Variants in CLRN1 observed in about 807,000 individuals in gnomAD.
CLRN1 encodes clarin 1, also known as clarin-1.
Under a neutral mutation model 18.7 loss-of-function variants are expected in CLRN1, and 15 were observed. The observed-to-expected ratio is 0.80, with a 90% CI of 0.54 to 1.23. The LOEUF (loss-of-function observed/expected upper bound fraction) is 1.23, where lower values mean the gene tolerates loss of function less well. Ranked by LOEUF, CLRN1 falls within the 50% of genes most tolerant of loss-of-function variation. CLRN1 has a pLI of 0.00. For synonymous variants in CLRN1, 104 were observed against 102.9 expected, an observed-to-expected ratio of 1.01 and a Z score of -0.07; for missense variants, 311 against 277.5, an observed-to-expected ratio of 1.12 and a Z score of -0.86.
intron 1 of CLRN1, among the ~76,000 whole-genome samples, chr3:150,954,962 C>G (rs1714666279): frequency 6.6e-6 from 1 of 152,190 alleles, no homozygotes; most frequent in South Asian, 2.1e-4. Context: ...CAAATGTTTA[C>G]TTTATTCATA....
chr3:150,942,597 A>T (rs771983563), intron 1 of CLRN1: 6 of 455,636 alleles, frequency 1.3e-5, no homozygotes. Flanking sequence ...AGAGCCATAA[A>T]ACAAGATGGA....
rs1712890126 is a variant in CLRN1 at position 150,927,726 on chromosome 3, A to G, written c.*210T>C. Reference sequence around the variant, plus strand: ...TGCCTTTGACTACCTGGGTCAAGCAATTTCCCACCAGATAAAACAACTTTT... The same window carrying G: ...TGCCTTTGACTACCTGGGTCAAGCAGTTTCCCACCAGATAAAACAACTTTT... On this transcript the variant is annotated 3_prime_UTR_variant, in exon 3 of 3. Transcript: ENST00000327047. 1.4e-6 allele frequency: 1 copy of G among 717,490 alleles called. No individual in the cohort carries two copies. The allele number at this position is 717,490 out of a possible 1,614,324, so 44.4% of individuals were successfully genotyped here. A position where few individuals can be genotyped will look rare whatever the true frequency, so the allele number is the denominator to read the frequency against.
chr3:150,926,464 C>A, downstream of CLRN1: 1 of 369,156 alleles, frequency 2.7e-6, no homozygotes, highest in Non-Finnish European at 5.2e-6. Context: ...CAGAACCGGG[C>A]TCTAGCCTGT....
In CLRN1 at chr3:150,940,476, A is replaced by G. The variant is rs140407590; in HGVS notation, c.433+1106T>C. Reference sequence around the variant, plus strand: ...AAGGGAGTAGTGTCAAGAGCAAGAAAGTACCTTGAGCCTGGTGCCTGGTAG... The same window carrying G: ...AAGGGAGTAGTGTCAAGAGCAAGAAGGTACCTTGAGCCTGGTGCCTGGTAG... On this transcript the variant is annotated intron_variant, in intron 2 of 2. Transcript: ENST00000327047. 292 of 1,534,898 alleles carry G rather than the reference A, an allele frequency of 1.9e-4. 1 individual carries two copies. In the East Asian group the frequency reaches 3.4e-3, roughly 18 times the overall value.
Position 150,941,726 on chromosome 3 carries a change from T to A in CLRN1, c.289A>T (p.Ile97Phe). Reference sequence around the variant, plus strand: ...GAGAAGAGAATGACATTGACGTGGATGCTCACTGGGATTGCTTTGAGCAAA... The same window carrying A: ...GAGAAGAGAATGACATTGACGTGGAAGCTCACTGGGATTGCTTTGAGCAAA... ...PDLLKAIPVS[I>F]HVNVILFSAI... is the part of the protein sequence containing the mutation. The change falls in exon 2 of 3, where the codon ATC becomes TTC. Residue 97 changes from isoleucine (I) to phenylalanine (F), a missense_variant. By Grantham distance (21) the Ile-to-Phe change is conservative. Transcript: ENST00000327047. 1 of 1,614,080 alleles carries A rather than the reference T, an allele frequency of 6.2e-7. No homozygotes were observed. The highest frequency in any genetic ancestry group is 8.5e-7 in the Non-Finnish European group (1 of 1,179,942).
At chr3:150,929,294 A>G (rs1204080369) in intron 2 of CLRN1, among the ~76,000 whole-genome samples, 3 of 152,178 alleles carry the variant, frequency 2.0e-5, no homozygotes, top group South Asian at 2.1e-4. Context: ...GAAGATGGAC[A>G]CTGGGAGACT....
At chr3:150,964,032 G>A (rs141048534) in intron 1 of CLRN1, among the ~76,000 whole-genome samples, 2,958 of 152,224 alleles carry the variant, frequency 0.019, 97 homozygotes, top group African/African-American at 0.066. Context: ...AACACCAAAA[G>A]CAATGGCAAC....
rs1189849904 is a variant in CLRN1, at chr3:150,927,550, G to A, written c.*386C>T. The stretch of plus-strand genomic sequence containing the variant: ...TTTTCTGAAATCTGGCAACAAATGT[G>A]TGGATATATTAGAGATATTATTTGT... On this transcript the variant is annotated 3_prime_UTR_variant, in exon 3 of 3. Coordinates refer to ENST00000327047, the MANE Select transcript of CLRN1 (RefSeq NM_174878.3). The A allele has an allele frequency of 1.1e-5, 5 of 458,476 alleles. No individual in the cohort carries two copies. Among genetic ancestry groups the A allele is most frequent in the African/African-American group, 4.0e-5 (2 of 50,170 alleles). The allele number at this position is 458,476 out of a possible 1,614,324, so 28.4% of individuals were successfully genotyped here. A position where few individuals can be genotyped will look rare whatever the true frequency, so the allele number is the denominator to read the frequency against.
chr3:150,958,773 A>G (rs1045363014), intron 1 of CLRN1, among the ~76,000 whole-genome samples: 1 of 152,202 alleles, frequency 6.6e-6, no homozygotes, highest in Non-Finnish European at 1.5e-5. Context: ...CTACTCATCC[A>G]TCTATAGCTC....
intron 1 of CLRN1, among the ~76,000 whole-genome samples, chr3:150,948,158 TAAAG>T (rs941045556): frequency 3.3e-5 from 5 of 151,998 alleles, no homozygotes; most frequent in Non-Finnish European, 7.4e-5. Context: ...GCTAGCCTAA[TAAAG>T]AAGAGAAGAG....
chr3:150,943,994 G>A, intron 1 of CLRN1: 2 of 1,260,384 alleles, frequency 1.6e-6, no homozygotes, highest in South Asian at 1.3e-5. Context: ...AAAATAGCCT[G>A]CATCAACAAC....
intron 1 of CLRN1, among the ~76,000 whole-genome samples, chr3:150,952,985 C>T (rs1409019629): frequency 6.6e-6 from 1 of 152,106 alleles, no homozygotes; most frequent in Non-Finnish European, 1.5e-5. Flanking sequence ...CTGTAATGAC[C>T]AGCCAGAACT....
At chr3:150,945,782 G>T (rs1714133368) in intron 1 of CLRN1, 2 of 597,676 alleles carry the variant, frequency 3.3e-6, no homozygotes, top group Non-Finnish European at 4.9e-6. Context: ...GTGTTAGCTA[G>T]GGTATGGGGA....
intron 2 of CLRN1, among the ~76,000 whole-genome samples, chr3:150,933,054 T>G (rs1264619955): frequency 6.6e-6 from 1 of 152,192 alleles, no homozygotes; most frequent in Non-Finnish European, 1.5e-5. Flanking sequence ...AATACAATGT[T>G]TATCTAATTT....
At chr3:150,934,920 T>G (rs1162755266) in intron 2 of CLRN1, among the ~76,000 whole-genome samples, 3 of 151,962 alleles carry the variant, frequency 2.0e-5, no homozygotes, top group Non-Finnish European at 4.4e-5. Flanking sequence ...TGCCCGCACC[T>G]CTATTACAGG....
At chr3:150,966,154 T>A (rs1359536430) in intron 1 of CLRN1, among the ~76,000 whole-genome samples, 5 of 152,142 alleles carry the variant, frequency 3.3e-5, no homozygotes, top group Non-Finnish European at 5.9e-5. Context: ...TACAAAAAAA[T>A]TTTTTAAAAG....
chr3:150,968,491 G>T (rs1372288265), intron 1 of CLRN1, among the ~76,000 whole-genome samples: 1 of 152,176 alleles, frequency 6.6e-6, no homozygotes, highest in Non-Finnish European at 1.5e-5. Flanking sequence ...GAGTAAATGA[G>T]GCAGAAGTTT....
intron 1 of CLRN1, among the ~76,000 whole-genome samples, chr3:150,950,131 C>A (rs538144304): frequency 3.2e-4 from 48 of 152,200 alleles, no homozygotes; most frequent in African/African-American, 1.1e-3. Flanking sequence ...GAAACTGGAC[C>A]CCTTCCTTAC....
At chr3:150,944,662 G>A (rs942227407) in intron 1 of CLRN1, among the ~76,000 whole-genome samples, 1 of 151,986 alleles carries the variant, frequency 6.6e-6, no homozygotes, top group African/African-American at 2.4e-5. Flanking sequence ...GACTGAGGCA[G>A]GAGAATTGCT....
Sources: allele counts gnomAD v4.1 joint callset (sites outside exome capture counted in the v4.1 genomes callset), GRCh38; gene constraint gnomAD v4.1.1; transcripts MANE v1.5; gene names NCBI Gene and HGNC (gene_info 2026-07-23, HGNC 2026-07-21).